The following C3orf70 variants were observed in gnomAD, a reference collection of about 807,000 sequenced individuals.
The protein encoded by C3orf70 is UPF0524 protein C3orf70.
C3orf70 carries 15 observed loss-of-function variants against 20.7 expected under a neutral mutation model. The observed-to-expected ratio is 0.72, with a 90% CI of 0.48 to 1.11. C3orf70 has a LOEUF of 1.11. Ranked by LOEUF, C3orf70 falls within the 50% of genes most tolerant of loss-of-function variation. The pLI is 0.00. For missense variants in C3orf70, 332 were observed against 317.6 expected, an observed-to-expected ratio of 1.05 and a Z score of -0.34; for synonymous variants, 161 against 125.7, an observed-to-expected ratio of 1.28 and a Z score of -1.88.
intron 1 of C3orf70, among the ~76,000 whole-genome samples, chr3:185,130,477 C>A (rs1440818924): frequency 6.6e-6 from 1 of 152,116 alleles, no homozygotes; most frequent in African/African-American, 2.4e-5. Flanking sequence ...GACCCACATA[C>A]CATAAAATTT....
At chr3:185,083,671 C>G (rs986128232) in intron 1 of C3orf70, 108 bp from the exon 2 acceptor site, 13 of 876,858 alleles carry the variant, frequency 1.5e-5, no homozygotes, top group Admixed American at 3.0e-5. Context: ...TCAGTAACAC[C>G]TCAAAAGAAA....
intron 1 of C3orf70, among the ~76,000 whole-genome samples, chr3:185,123,299 C>T (rs1473320319): frequency 1.3e-5 from 2 of 151,082 alleles, no homozygotes; most frequent in Admixed American, 1.3e-4. Context: ...TTTACATTTG[C>T]ATTTGTGAAA....
chr3:185,087,716 A>C (rs939397560), intron 1 of C3orf70, among the ~76,000 whole-genome samples: 1 of 152,060 alleles, frequency 6.6e-6, no homozygotes, highest in Non-Finnish European at 1.5e-5. Flanking sequence ...ACAAGATGAA[A>C]AGAGATGTGG....
intron 1 of C3orf70, among the ~76,000 whole-genome samples, chr3:185,118,162 G>A (rs11915903): frequency 0.052 from 7,905 of 152,260 alleles, 666 homozygotes; most frequent in African/African-American, 0.18. Context: ...TATAATAGAT[G>A]CTCAACAAAT....
intron 1 of C3orf70, among the ~76,000 whole-genome samples, chr3:185,098,235 G>T (rs1211002896): frequency 1.3e-5 from 2 of 152,140 alleles, no homozygotes; most frequent in African/African-American, 2.4e-5. Context: ...CCATGCAGAT[G>T]GCTGGCTCAA....
chr3:185,105,309 T>TG (rs1715910229), intron 1 of C3orf70, among the ~76,000 whole-genome samples: 2 of 152,234 alleles, frequency 1.3e-5, no homozygotes, highest in Non-Finnish European at 2.9e-5. Context: ...ATAACACCCA[T>TG]GCTGGAAGGT....
chr3:185,121,205 C>A (rs138517804), intron 1 of C3orf70, among the ~76,000 whole-genome samples: 5 of 151,864 alleles, frequency 3.3e-5, no homozygotes, highest in African/African-American at 1.2e-4. Context: ...AAGAATGATA[C>A]AATGGACATT....
At chr3:185,134,729 T>C (rs866620756) in intron 1 of C3orf70, among the ~76,000 whole-genome samples, 1 of 152,174 alleles carries the variant, frequency 6.6e-6, no homozygotes, top group Non-Finnish European at 1.5e-5. Flanking sequence ...GGCTGACAGC[T>C]GGGGCCAAAG....
intron 1 of C3orf70, among the ~76,000 whole-genome samples, chr3:185,087,259 G>C (rs1715477402): frequency 6.6e-6 from 1 of 152,200 alleles, no homozygotes; most frequent in South Asian, 2.1e-4. Flanking sequence ...TACTCAGAGT[G>C]AGGGCTCAGA....
Position 185,082,930 on chromosome 3 carries a change from A to G in C3orf70, c.*77T>C, listed in dbSNP as rs1715375425. ...GGGGTGGGTAGAAAATATCAACAGC[A>G]TTGGAAAAAAGGATCCACCAGACAA... On this transcript the variant is annotated 3_prime_UTR_variant, in exon 2 of 2. Coordinates refer to ENST00000335012, the MANE Select transcript of C3orf70 (RefSeq NM_001025266.3). 1.4e-6 allele frequency: 2 copies of G among 1,453,728 alleles called. No homozygotes were observed. The highest frequency in any genetic ancestry group is 1.9e-6 in the Non-Finnish European group (2 of 1,065,580). 90.1% of individuals were successfully genotyped at this position (1,453,728 alleles called of 1,614,324 possible).
At chr3:185,086,535 G>A (rs757554358) in intron 1 of C3orf70, among the ~76,000 whole-genome samples, 2 of 151,958 alleles carry the variant, frequency 1.3e-5, no homozygotes, top group Admixed American at 1.3e-4. Flanking sequence ...CAGGATGAGC[G>A]TCCTCATCAG....
intron 1 of C3orf70, among the ~76,000 whole-genome samples, chr3:185,122,806 C>T (rs1280457324): frequency 6.7e-6 from 1 of 149,992 alleles, no homozygotes; most frequent in African/African-American, 2.5e-5. Flanking sequence ...ATACAAAAGG[C>T]AATTGGTCTC....
intron 1 of C3orf70, among the ~76,000 whole-genome samples, chr3:185,148,541 T>C (rs767982021): frequency 6.6e-5 from 10 of 152,262 alleles, no homozygotes; most frequent in Non-Finnish European, 1.2e-4. Flanking sequence ...CTAAGTATTC[T>C]AAGTAGCCAC....
chr3:185,108,912 C>T (rs573253821), intron 1 of C3orf70, among the ~76,000 whole-genome samples: 17 of 152,300 alleles, frequency 1.1e-4, no homozygotes, highest in Admixed American at 5.2e-4. Context: ...CTGTGTTAAA[C>T]GTCACCTTTT....
chr3:185,089,293 C>A (rs913408205), intron 1 of C3orf70, among the ~76,000 whole-genome samples: 4 of 151,960 alleles, frequency 2.6e-5, no homozygotes, highest in African/African-American at 9.7e-5. Flanking sequence ...CATGGACCCA[C>A]AGATATTTAT....
rs1209733150 is a variant in C3orf70 at position 185,080,015 on chromosome 3, C to T, written c.*2992G>A. 6.6e-6 allele frequency: 1 copy of T among 152,626 alleles called. No homozygotes were observed. Among genetic ancestry groups the T allele is most frequent in the Non-Finnish European group, 1.5e-5 (1 of 68,034 alleles). The allele number at this position is 152,626 out of a possible 1,614,324, so 9.5% of individuals were successfully genotyped here. The stretch of plus-strand genomic sequence containing the variant: ...AGGCCTAGAATTTAAAGTGAAACTA[C>T]AATCTGTTTCAGTTGGTTTTGGAAT... On this transcript the variant is annotated 3_prime_UTR_variant, in exon 2 of 2. Transcript: ENST00000335012.
At chr3:185,116,947 T>G (rs1716187501) in intron 1 of C3orf70, among the ~76,000 whole-genome samples, 2 of 151,756 alleles carry the variant, frequency 1.3e-5, no homozygotes, top group South Asian at 4.2e-4. Flanking sequence ...CCCGGCTAAT[T>G]TTTTTTGTAT....
chr3:185,093,276 C>G (rs1195360691), intron 1 of C3orf70, among the ~76,000 whole-genome samples: 3 of 152,170 alleles, frequency 2.0e-5, no homozygotes, highest in African/African-American at 7.2e-5. Flanking sequence ...CTGACACCCT[C>G]AAGTATGGGC....
rs766376974 is a variant in C3orf70 at position 185,102,868 on chromosome 3, T to TA, written c.197-19306dup. 5.3e-5 allele frequency among the ~76,000 whole-genome samples: 8 copies of TA among 152,296 alleles called. No homozygotes were observed. In the South Asian group the frequency reaches 1.0e-3, roughly 20 times the overall value. Reference sequence around the variant, plus strand: ...GGCTACCCATATGCAGAAGACTGAATAAACCCCTTCTTTACACCATATACA... The same window carrying TA: ...GGCTACCCATATGCAGAAGACTGAATAAAACCCCTTCTTTACACCATATACA... On this transcript the variant is annotated intron_variant, in intron 1 of 1. Coordinates refer to ENST00000335012, the MANE Select transcript of C3orf70 (RefSeq NM_001025266.3).
Sources: gnomAD v4.1 joint callset for allele counts (sites outside exome capture counted in the v4.1 genomes callset) on GRCh38, gnomAD v4.1.1 for gene constraint, MANE v1.5 for transcripts, NCBI Gene and HGNC (gene_info 2026-07-23, HGNC 2026-07-21) for gene names.